The following HTR2A variants were observed in gnomAD, a reference collection of about 807,000 sequenced individuals.
The protein encoded by HTR2A is 5-hydroxytryptamine receptor 2A, also known as 5-HT2 receptor.
In HTR2A, 14 loss-of-function variants were observed where a neutral mutation model predicts 31.0. The ratio of observed to expected loss-of-function variants is 0.45; its 90% CI spans 0.30 to 0.71. The LOEUF (loss-of-function observed/expected upper bound fraction) is 0.71, where lower values mean the gene tolerates loss of function less well. HTR2A is among the 30% of genes least tolerant of loss of function. The pLI is 0.09. For missense variants in HTR2A, 442 were observed against 573.3 expected, an observed-to-expected ratio of 0.77 and a Z score of 2.34; for synonymous variants, 209 against 225.2, an observed-to-expected ratio of 0.93 and a Z score of 0.64.
rs1439913757 is a variant in HTR2A, at chr13:46,833,888, C to T, written c.*949G>A. The T allele has an allele frequency of 6.6e-6, 1 of 152,136 alleles. No homozygotes were observed. Among genetic ancestry groups the T allele is most frequent in the African/African-American group, 2.4e-5 (1 of 41,420 alleles). The allele number at this position is 152,136 out of a possible 1,614,324, so 9.4% of individuals were successfully genotyped here. A position where few individuals can be genotyped will look rare whatever the true frequency, so the allele number is the denominator to read the frequency against. On this transcript the variant is annotated 3_prime_UTR_variant, in exon 4 of 4. Coordinates refer to ENST00000542664, the MANE Select transcript of HTR2A (RefSeq NM_000621.5). Reference sequence around the variant, plus strand: ...TTTACAGAGATGTCCTAGGACTCTACCACTGTCAGTAGCCGGAAACCTGAG... The same window carrying T: ...TTTACAGAGATGTCCTAGGACTCTATCACTGTCAGTAGCCGGAAACCTGAG...
intron 3 of HTR2A, 115 bp downstream of exon 3, chr13:46,892,275 C>T: frequency 1.0e-6 from 1 of 984,276 alleles, no homozygotes; most frequent in Non-Finnish European, 1.6e-6. Flanking sequence ...TATCTTGCAC[C>T]ACCCAAAACA....
intron 3 of HTR2A, among the ~76,000 whole-genome samples, chr13:46,858,096 G>A (rs922011729): frequency 6.6e-6 from 1 of 152,116 alleles, no homozygotes; most frequent in South Asian, 2.1e-4. Context: ...TTGGGTGGAG[G>A]TGCAAGTAAG....
chr13:46,855,737 T>C (rs183068109), intron 3 of HTR2A, among the ~76,000 whole-genome samples: 3 of 152,052 alleles, frequency 2.0e-5, no homozygotes, highest in Non-Finnish European at 1.5e-5. Context: ...AAATTCAATC[T>C]CAAAATTAAT....
chr13:46,892,384 A>T lies in HTR2A; in HGVS notation c.613+6T>A. ...AAATGAGACTCTGAAATATGTTGCC[A>T]CTTACCTACTGATATGGTCCAAACA... On this transcript the variant is annotated splice_donor_region_variant and intron_variant, in intron 3 of 3. Transcript: ENST00000542664. 6.2e-7 allele frequency: 1 copy of T among 1,612,742 alleles called. No individual in the cohort carries two copies. Among genetic ancestry groups the T allele is most frequent in the Non-Finnish European group, 8.5e-7 (1 of 1,178,668 alleles).
chr13:46,834,836 A>G lies in HTR2A; in HGVS notation c.*1T>C. ...CCACAGTTGCCACGGCAACTAGCCT[A>G]TCACACACAGCTCACCTTTTCATTC... On this transcript the variant is annotated 3_prime_UTR_variant, in exon 4 of 4. Transcript: ENST00000542664. 6.2e-7 allele frequency: 1 copy of G among 1,607,296 alleles called. No homozygotes were observed. Among genetic ancestry groups the G allele is most frequent in the South Asian group, 1.1e-5 (1 of 90,330 alleles).
chr13:46,893,859 A>G (rs534487510), intron 2 of HTR2A, among the ~76,000 whole-genome samples: 5 of 152,368 alleles, frequency 3.3e-5, no homozygotes, highest in African/African-American at 1.2e-4. Flanking sequence ...ACAAACTCCA[A>G]CGCAAACGTA....
At chr13:46,892,804 A>T (rs998264811) in intron 2 of HTR2A, among the ~76,000 whole-genome samples, 1 of 152,172 alleles carries the variant, frequency 6.6e-6, no homozygotes, top group African/African-American at 2.4e-5. Flanking sequence ...GAAAATTTCT[A>T]GTGTCTGGAG....
chr13:46,850,351 CT>C (rs1477106696), intron 3 of HTR2A, among the ~76,000 whole-genome samples: 6 of 152,208 alleles, frequency 3.9e-5, no homozygotes, highest in Non-Finnish European at 8.8e-5. Flanking sequence ...TCACTTACTC[CT>C]CACAGTCACC....
chr13:46,896,375 T>G, intron 1 of HTR2A, 141 bp from the exon 2 acceptor site: 1 of 463,136 alleles, frequency 2.2e-6, no homozygotes, highest in South Asian at 4.0e-5. Flanking sequence ...ATGTACACAT[T>G]CTACATTAAG....
Position 46,833,593 on chromosome 13 carries a change from T to C in HTR2A, c.*1244A>G, listed in dbSNP as rs1876327481. The C allele has an allele frequency of 6.6e-6, 1 of 152,142 alleles. No individual in the cohort carries two copies. The highest frequency in any genetic ancestry group is 2.1e-4 in the South Asian group (1 of 4,828). The allele number at this position is 152,142 out of a possible 1,614,324, so 9.4% of individuals were successfully genotyped here. On this transcript the variant is annotated 3_prime_UTR_variant, in exon 4 of 4. Transcript: ENST00000542664. The stretch of plus-strand genomic sequence containing the variant: ...GTTACCCAGGTTGGTCTCAAACTCT[T>C]GGCCTCAAGTGATCCTCCCATCTCA...
chr13:46,841,141 A>T (rs61948313), intron 3 of HTR2A, among the ~76,000 whole-genome samples: 2 of 152,054 alleles, frequency 1.3e-5, no homozygotes, highest in Admixed American at 6.6e-5. Flanking sequence ...AAGTTTCCTG[A>T]GGCCTCCCCA....
chr13:46,840,682 A>G (rs1348717295), intron 3 of HTR2A, among the ~76,000 whole-genome samples: 2 of 152,078 alleles, frequency 1.3e-5, no homozygotes, highest in Non-Finnish European at 2.9e-5. Flanking sequence ...AAAACTGCTT[A>G]TTTGTTCCTT....
intron 3 of HTR2A, among the ~76,000 whole-genome samples, chr13:46,854,434 C>T (rs1950715236): frequency 1.3e-5 from 2 of 152,142 alleles, no homozygotes; most frequent in African/African-American, 4.8e-5. Context: ...TTAGACTTTG[C>T]TATTTACTTT....
At chr13:46,870,431 C>A (rs1266748222) in intron 3 of HTR2A, among the ~76,000 whole-genome samples, 5 of 152,070 alleles carry the variant, frequency 3.3e-5, no homozygotes, top group Admixed American at 6.6e-5. Flanking sequence ...ATTGACAATA[C>A]AATGTTATGT....
intron 3 of HTR2A, among the ~76,000 whole-genome samples, chr13:46,847,876 C>T (rs1566302655): frequency 6.6e-6 from 1 of 152,126 alleles, no homozygotes; most frequent in Non-Finnish European, 1.5e-5. Context: ...CTATTTGGGG[C>T]ACAGAAAGTC....
rs117047261 is a variant in HTR2A, at chr13:46,881,309, G to A, written c.613+11081C>T. Among the ~76,000 whole-genome samples the A allele has an allele frequency of 5.1e-3, 770 of 152,206 alleles. 5 individuals carry two copies. Among genetic ancestry groups the A allele is most frequent in the Non-Finnish European group, 6.9e-3 (468 of 68,014 alleles). On this transcript the variant is annotated intron_variant, in intron 3 of 3. Coordinates refer to ENST00000542664, the MANE Select transcript of HTR2A (RefSeq NM_000621.5). ...TTCAGGGTAGTGACAAGCATAGATG[G>A]CCACTTGACACTTGACAGCTCTCCA...
At chr13:46,871,749 T>G (rs752263749) in intron 3 of HTR2A, among the ~76,000 whole-genome samples, 1 of 152,192 alleles carries the variant, frequency 6.6e-6, no homozygotes, top group Non-Finnish European at 1.5e-5. Flanking sequence ...TGGCTGAGTA[T>G]GGCTCTGCGG....
At chr13:46,891,309 T>C (rs947350657) in intron 3 of HTR2A, among the ~76,000 whole-genome samples, 1 of 152,252 alleles carries the variant, frequency 6.6e-6, no homozygotes, top group Admixed American at 6.5e-5. Context: ...AATAAAATCC[T>C]TGTTGTGCTA....
chr13:46,866,194 G>C (rs536481682), intron 3 of HTR2A, among the ~76,000 whole-genome samples: 1 of 152,110 alleles, frequency 6.6e-6, no homozygotes. Context: ...TGTTTATAGG[G>C]TTCGGAGCAA....
Sources: gnomAD v4.1 joint callset for allele counts (sites outside exome capture counted in the v4.1 genomes callset) on GRCh38, gnomAD v4.1.1 for gene constraint, MANE v1.5 for transcripts, NCBI Gene and HGNC (gene_info 2026-07-23, HGNC 2026-07-21) for gene names.